Variants in USP34 observed in about 807,000 individuals in gnomAD.
The protein encoded by USP34 is ubiquitin specific peptidase 34, also known as ubiquitin carboxyl-terminal hydrolase 34.
A neutral mutation model predicts 460.3 loss-of-function variants in USP34; 70 were observed. The ratio of observed to expected loss-of-function variants is 0.15; its 90% confidence interval spans 0.13 to 0.19. The LOEUF is 0.19. Ranked by LOEUF, USP34 falls within the 10% of genes least tolerant of loss-of-function variation. The pLI is 1.00. For synonymous variants in USP34, 1,647 were observed against 1,405.3 expected (o/e 1.17, Z -3.85); for missense variants, 3,985 against 4,236.2 (o/e 0.94, Z 1.65).
rs1422187485 is a variant in USP34 at position 61,277,514 on chromosome 2, G to C, written c.5433+651C>G. 2.6e-5 allele frequency among the ~76,000 whole-genome samples: 4 copies of C among 152,122 alleles called. No individual in the cohort carries two copies. In the East Asian group the frequency reaches 5.8e-4, roughly 22 times the overall value. On this transcript the variant is annotated intron_variant, in intron 41 of 79. Transcript: ENST00000398571. Reference sequence around the variant, plus strand: ...AGCCACTCAAAGTGCTAGGACTATAGGCACGAGCCACCGTGCCCAGCCTTA... The same window carrying C: ...AGCCACTCAAAGTGCTAGGACTATACGCACGAGCCACCGTGCCCAGCCTTA...
chr2:61,329,487 T>A (rs1691196771), intron 20 of USP34, among the ~76,000 whole-genome samples: 1 of 152,192 alleles, frequency 6.6e-6, no homozygotes. Context: ...AGAGGGAACT[T>A]TGTAAGCAAA....
At chr2:61,311,986 C>T in intron 25 of USP34, 76 bp from the exon 26 acceptor site, 1 of 1,534,242 alleles carries the variant, frequency 6.5e-7, no homozygotes. Context: ...TTTTTATCAT[C>T]TTACAGACTG....
intron 1 of USP34, among the ~76,000 whole-genome samples, chr2:61,433,950 G>T (rs897094762): frequency 6.6e-6 from 1 of 152,080 alleles, no homozygotes; most frequent in Non-Finnish European, 1.5e-5. Context: ...CTTTGGTCCC[G>T]CACAGCAGGG....
At chr2:61,198,016 C>G (rs1317080356) in intron 75 of USP34, among the ~76,000 whole-genome samples, 1 of 152,220 alleles carries the variant, frequency 6.6e-6, no homozygotes, top group African/African-American at 2.4e-5. Flanking sequence ...GCCTCAGCCT[C>G]CCAAAGTGCT....
chr2:61,216,775 G>A (rs1048650712), intron 67 of USP34, among the ~76,000 whole-genome samples: 40 of 151,596 alleles, frequency 2.6e-4, no homozygotes, highest in African/African-American at 9.7e-4. Context: ...AAAATTAGCT[G>A]GGTGTGGTGG....
intron 23 of USP34, among the ~76,000 whole-genome samples, chr2:61,315,838 T>C (rs1690727037): frequency 6.6e-6 from 1 of 152,152 alleles, no homozygotes; most frequent in Non-Finnish European, 1.5e-5. Flanking sequence ...GTCACCTACT[T>C]TAAAAAGGTA....
At chr2:61,359,538 A>G (rs1692210948) in intron 10 of USP34, among the ~76,000 whole-genome samples, 1 of 152,150 alleles carries the variant, frequency 6.6e-6, no homozygotes, top group Non-Finnish European at 1.5e-5. Flanking sequence ...TTTGAAAATT[A>G]TTTCTTGGGT....
At chr2:61,239,596 T>C (rs1443029519) in intron 53 of USP34, among the ~76,000 whole-genome samples, 1 of 152,190 alleles carries the variant, frequency 6.6e-6, no homozygotes, top group Non-Finnish European at 1.5e-5. Context: ...GTAAGTTTAG[T>C]AGCTTCAAAT....
intron 15 of USP34, among the ~76,000 whole-genome samples, chr2:61,345,365 A>G (rs1437688718): frequency 6.6e-6 from 1 of 152,230 alleles, no homozygotes; most frequent in East Asian, 1.9e-4. Flanking sequence ...TAAGAATTAA[A>G]AAGCAAAGGA....
rs1572822500 is a variant in USP34 at position 61,192,848 on chromosome 2, C to A, written c.9588+53G>T. 2.7e-6 allele frequency: 4 copies of A among 1,479,920 alleles called. No homozygotes were observed. In the East Asian group the frequency reaches 6.9e-5, roughly 26 times the overall value. The allele number at this position is 1,479,920 out of a possible 1,614,324, so 91.7% of individuals were successfully genotyped here. A position where few individuals can be genotyped will look rare whatever the true frequency, so the allele number is the denominator to read the frequency against. On this transcript the variant is annotated intron_variant, in intron 76 of 79. Transcript: ENST00000398571. ...AACCCACTGTTCCTAAAATTATTGA[C>A]CACTTGGTCAGATAAGATTAAAGAC...
rs1164206583 is a variant in USP34 at position 61,227,168 on chromosome 2, TTCC to T, written c.7491_7493del (p.Glu2499del). 1 of 1,613,954 alleles carries T rather than the reference TTCC, an allele frequency of 6.2e-7. No homozygotes were observed. The highest frequency in any genetic ancestry group is 1.1e-5 in the South Asian group (1 of 91,046). On this transcript the variant is annotated inframe_deletion, in exon 62 of 80. Transcript: ENST00000398571. Reference sequence around the variant, plus strand: ...CTTCTGCCAGAGAGAGGATATCTTCTTCCTCCTCTTCTTCTTCCCCTTCTTCCT... The same window carrying T: ...CTTCTGCCAGAGAGAGGATATCTTCTTCCTCTTCTTCTTCCCCTTCTTCCT...
intron 27 of USP34, among the ~76,000 whole-genome samples, chr2:61,308,378 T>C (rs767732173): frequency 1.3e-5 from 2 of 151,878 alleles, no homozygotes; most frequent in South Asian, 2.1e-4. Context: ...ACAGTAGAAA[T>C]GAAAAACTCA....
rs190347663 is a variant in USP34 at position 61,345,256 on chromosome 2, A to G, written c.2286-1227T>C. Among the ~76,000 whole-genome samples the G allele has an allele frequency of 6.7e-4, 102 of 151,130 alleles. 1 individual carries two copies. Among genetic ancestry groups the G allele is most frequent in the Non-Finnish European group, 1.3e-3 (88 of 67,732 alleles). On this transcript the variant is annotated intron_variant, in intron 15 of 79. Transcript: ENST00000398571. ...GCCACTGCACTCCAGCCTGAACAAC[A>G]GAGTGTGACTGTGTTTAAAAAAAAA...
Position 61,383,478 on chromosome 2 carries a change from G to A in USP34, c.754-142C>T, listed in dbSNP as rs368078172. The A allele has an allele frequency of 2.7e-4, 136 of 500,956 alleles. 2 individuals carry two copies. In the East Asian group the frequency reaches 3.7e-3, roughly 14 times the overall value. The allele number at this position is 500,956 out of a possible 1,614,324, so 31.0% of individuals were successfully genotyped here. On this transcript the variant is annotated intron_variant, in intron 5 of 79. Coordinates refer to ENST00000398571, the MANE Select transcript of USP34 (RefSeq NM_014709.4). ...CCAGCACTTTGGGAGGCTGAGGTGG[G>A]CAGATCCGAAGGTCAGGAGTTTGAG...
intron 61 of USP34, 98 bp from the exon 62 acceptor site, chr2:61,227,316 G>T: frequency 7.3e-7 from 1 of 1,367,976 alleles, no homozygotes; most frequent in Admixed American, 2.6e-5. Flanking sequence ...ATGGTGGCAG[G>T]AGCTTGTAAC....
At chr2:61,336,306 C>A (rs572306558) in intron 18 of USP34, among the ~76,000 whole-genome samples, 1 of 151,872 alleles carries the variant, frequency 6.6e-6, no homozygotes, top group Non-Finnish European at 1.5e-5. Flanking sequence ...TAAAGTTTTT[C>A]TGTAGAGATG....
rs143701040 is a variant in USP34 at position 61,235,317 on chromosome 2, A to G, written c.7032+528T>C. On this transcript the variant is annotated intron_variant, in intron 57 of 79. Transcript: ENST00000398571. ...CTTCTGGTAGATGAAGGGGGGAAAAAATTTTTTTTTCTTTTTTTTTTTTTT... is the reference window on the plus strand; with the variant it reads ...CTTCTGGTAGATGAAGGGGGGAAAAGATTTTTTTTTCTTTTTTTTTTTTTT... 4.0e-3 allele frequency among the ~76,000 whole-genome samples: 518 copies of G among 130,480 alleles called. 24 individuals carry two copies. In the East Asian group the frequency reaches 0.1, roughly 26 times the overall value. 85.6% of individuals were successfully genotyped at this position (130,480 alleles called of 152,430 possible).
At chr2:61,378,841 G>A (rs994077324) in intron 7 of USP34, among the ~76,000 whole-genome samples, 2 of 143,536 alleles carry the variant, frequency 1.4e-5, no homozygotes, top group Non-Finnish European at 3.0e-5. Flanking sequence ...GGAGGCAGAG[G>A]TTGCAGTGAG....
chr2:61,223,557 G>T, intron 62 of USP34: 1 of 357,540 alleles, frequency 2.8e-6, no homozygotes, highest in South Asian at 6.1e-5. Context: ...CAGTAGGATG[G>T]GTCTTATTTT....
Sources: allele counts gnomAD v4.1 joint callset (sites outside exome capture counted in the v4.1 genomes callset), GRCh38; gene constraint gnomAD v4.1.1; transcripts MANE v1.5; gene names NCBI Gene and HGNC (gene_info 2026-07-23, HGNC 2026-07-21).